FLT4: variants seen among roughly 807,000 people sequenced by gnomAD.
The protein encoded by FLT4 is vascular endothelial growth factor receptor 3.
A neutral mutation model predicts 163.2 loss-of-function variants in FLT4; 30 were observed. The observed-to-expected ratio is 0.18, with a 90% CI of 0.14 to 0.25. FLT4 has a LOEUF of 0.25. Among genes scored for constraint, FLT4 ranks in the 10% least tolerant of loss-of-function variants. FLT4 has a pLI of 1.00. For missense variants in FLT4, 1,510 were observed against 1,863.8 expected (o/e 0.81, Z 3.50); for synonymous variants, 884 against 789.5 (o/e 1.12, Z -2.01).
intron 28 of FLT4, chr5:180,609,670 G>A (rs953683336): frequency 9.9e-6 from 5 of 507,324 alleles, no homozygotes; most frequent in African/African-American, 3.9e-5. Flanking sequence ...GGGTTTCTGC[G>A]CTGCTGAGGA....
At position 180,601,921 on chromosome 5, in the gene FLT4, GGGT is replaced by G. The variant is rs1327742025; in HGVS notation, c.*1268_*1270del. Reference sequence around the variant, plus strand: ...TCTGGTGCGTGGGTTTGGGGGGTCAGGGTGGTGGTCAGTCTCCGTGGTCCTAAC... The same window carrying G: ...TCTGGTGCGTGGGTTTGGGGGGTCAGGGTGGTCAGTCTCCGTGGTCCTAAC... On this transcript the variant is annotated 3_prime_UTR_variant, in exon 30 of 30. Transcript: ENST00000261937. 1 of 233,592 alleles carries G rather than the reference GGGT, an allele frequency of 4.3e-6. No individual in the cohort carries two copies. The highest frequency in any genetic ancestry group is 8.5e-6 in the Non-Finnish European group (1 of 118,292). The allele number at this position is 233,592 out of a possible 1,614,324, so 14.5% of individuals were successfully genotyped here.
intron 8 of FLT4, 69 bp downstream of exon 8, chr5:180,628,813 C>T: frequency 9.0e-7 from 1 of 1,115,720 alleles, no homozygotes; most frequent in African/African-American, 1.5e-5. Flanking sequence ...CCCGTCTTCC[C>T]CTATGGTCTG....
chr5:180,629,625 G>T, intron 6 of FLT4, 71 bp downstream of exon 6: 1 of 1,553,760 alleles, frequency 6.4e-7, no homozygotes, highest in Non-Finnish European at 8.8e-7. Flanking sequence ...TCCACGCGGA[G>T]GCCCAGTGTG....
intron 29 of FLT4, among the ~76,000 whole-genome samples, chr5:180,607,256 G>A (rs530337585): frequency 6.6e-6 from 1 of 152,290 alleles, no homozygotes; most frequent in East Asian, 1.9e-4. Context: ...GTATTTCTCT[G>A]TTGCCAAAAT....
chr5:180,639,045 A>G (rs1764898267), intron 1 of FLT4, among the ~76,000 whole-genome samples: 2 of 150,998 alleles, frequency 1.3e-5, no homozygotes, highest in African/African-American at 4.9e-5. Context: ...GTAGGTGGGT[A>G]GATGGGTGCA....
chr5:180,620,629 TGAG>T lies in FLT4; in HGVS notation c.2383_2385del (p.Leu795del), dbSNP rs759614046. 11 of 1,610,706 alleles carry T rather than the reference TGAG, an allele frequency of 6.8e-6. No homozygotes were observed. The highest frequency in any genetic ancestry group is 5.4e-5 in the African/African-American group (4 of 74,720). ...CTCACCCTCCTCATGTTACAGAAGA[TGAG>T]GAGGAGGAGGACCCAGAAGAAGACA... On this transcript the variant is annotated inframe_deletion, in exon 16 of 30. Coordinates refer to ENST00000261937, the MANE Select transcript of FLT4 (RefSeq NM_182925.5). The surrounding 1 kb of genome is among the most constrained non-coding windows in gnomAD (Gnocchi z 4.4).
chr5:180,618,992 C>A, intron 20 of FLT4, 29 bp downstream of exon 20: 1 of 1,547,052 alleles, frequency 6.5e-7, no homozygotes, highest in Non-Finnish European at 8.7e-7. Flanking sequence ...CCCCCGCCGC[C>A]CGCGGCGCCC....
chr5:180,612,228 C>CG (rs897352594), intron 26 of FLT4, among the ~76,000 whole-genome samples: 3 of 152,052 alleles, frequency 2.0e-5, no homozygotes, highest in Admixed American at 6.5e-5. Flanking sequence ...CCTCACAGGC[C>CG]GGGGGGGACC....
rs1368376446 is a variant in FLT4 at position 180,622,723 on chromosome 5, T to C, written c.1657+8A>G. 1.3e-6 allele frequency: 2 copies of C among 1,579,092 alleles called. No homozygotes were observed. Among genetic ancestry groups the C allele is most frequent in the Non-Finnish European group, 8.7e-7 (1 of 1,148,906 alleles). On this transcript the variant is annotated splice_region_variant and intron_variant, in intron 12 of 29. Coordinates refer to ENST00000261937, the MANE Select transcript of FLT4 (RefSeq NM_182925.5). The stretch of plus-strand genomic sequence containing the variant: ...CCCAGGCCTCCCCGCCCTGGTCTGG[T>C]CACTCACTGGTCACATAGAAGTAGA...
At chr5:180,610,435 G>A (rs1762087461) in intron 27 of FLT4, among the ~76,000 whole-genome samples, 1 of 152,276 alleles carries the variant, frequency 6.6e-6, no homozygotes, top group South Asian at 2.1e-4. Context: ...GAGCCTGGCA[G>A]AATCCAGCTA....
chr5:180,607,280 T>C (rs970163651), intron 29 of FLT4, among the ~76,000 whole-genome samples: 1 of 152,124 alleles, frequency 6.6e-6, no homozygotes, highest in African/African-American at 2.4e-5. Context: ...TCCCAGCCTG[T>C]GGGCGAAGGA....
chr5:180,648,208 C>T (rs371740456), intron 1 of FLT4, among the ~76,000 whole-genome samples: 1 of 152,210 alleles, frequency 6.6e-6, no homozygotes, highest in East Asian at 1.9e-4. Flanking sequence ...CCAAGGGCAG[C>T]GCCCTGATCT....
intron 26 of FLT4, chr5:180,611,733 C>T (rs373326544): frequency 2.3e-5 from 13 of 576,264 alleles, no homozygotes; most frequent in East Asian, 5.8e-5. Context: ...ACAGAGGAAA[C>T]GAGCTCATGC....
intron 5 of FLT4, 25 bp downstream of exon 5, chr5:180,629,918 T>TGGGAACGGGGCACAGCCCTGTTACC: frequency 6.2e-7 from 1 of 1,612,326 alleles, no homozygotes; most frequent in Non-Finnish European, 8.5e-7. Flanking sequence ...GCCCCGTTAC[T>TGGGAACGGGGCACAGCCCTGTTACC]GGGAACGGGG....
intron 29 of FLT4, chr5:180,608,022 G>A (rs1014020796): frequency 2.5e-5 from 17 of 693,032 alleles, no homozygotes; most frequent in Non-Finnish European, 4.2e-5. Flanking sequence ...GGAACACTCT[G>A]CTCCACCAGC....
At chr5:180,618,688 G>C (rs1762863749) in intron 21 of FLT4, 82 bp downstream of exon 21, 2 of 609,642 alleles carry the variant, frequency 3.3e-6, no homozygotes, top group African/African-American at 2.2e-5. Context: ...CCCCCGCTGA[G>C]GACCCCAGGC....
In FLT4 at chr5:180,630,300, G is replaced by T; in HGVS notation, c.438C>A (p.Leu146=). 2 of 1,612,228 alleles carry T rather than the reference G, an allele frequency of 1.2e-6. No individual in the cohort carries two copies. The highest frequency in any genetic ancestry group is 1.7e-6 in the Non-Finnish European group (2 of 1,179,966). ...ACATGGCGTCCTTCCTGTTGACCAA[G>T]AGCGTGTCAGGCTTGTTGATGAATG... ...EQPFINKPDT[L]LVNRKDAMWV... The change falls in exon 4 of 30, where the codon CTC becomes CTA. Residue 146 remains leucine, a synonymous_variant. Coordinates refer to ENST00000261937, the MANE Select transcript of FLT4 (RefSeq NM_182925.5). The surrounding 1 kb of genome is among the most constrained non-coding windows in gnomAD (Gnocchi z 6.3).
At chr5:180,613,170 C>G (rs1762347083) in intron 24 of FLT4, 60 bp from the exon 25 acceptor site, 1 of 1,186,078 alleles carries the variant, frequency 8.4e-7, no homozygotes, top group Non-Finnish European at 1.2e-6. Context: ...GCCCAGCCCC[C>G]CAAGTCACCC....
At chr5:180,611,308 C>G (rs753549017) in intron 27 of FLT4, 23 bp downstream of exon 27, 1 of 1,613,564 alleles carries the variant, frequency 6.2e-7, no homozygotes, top group Non-Finnish European at 8.5e-7. Flanking sequence ...CCACCCTACT[C>G]CTGGACCTGC....
Sources: gnomAD v4.1 joint callset for allele counts (sites outside exome capture counted in the v4.1 genomes callset) on GRCh38, gnomAD v4.1.1 for gene constraint, Gnocchi (gnomAD v3.1) non-coding constraint, MANE v1.5 for transcripts, NCBI Gene and HGNC (gene_info 2026-07-23, HGNC 2026-07-21) for gene names.